Variants in RASEF observed in about 807,000 individuals in gnomAD.
RASEF encodes the protein ras and EF-hand domain-containing protein.
Under a neutral mutation model 90.1 loss-of-function variants are expected in RASEF, and 68 were observed. The observed-to-expected ratio is 0.75, with a 90% CI of 0.62 to 0.92. The LOEUF is 0.92. Among genes scored for constraint, RASEF ranks in the 40% least tolerant of loss-of-function variants. RASEF has a pLI of 0.00. For synonymous variants in RASEF, 331 were observed against 345.2 expected, an observed-to-expected ratio of 0.96 and a Z score of 0.46; for missense variants, 949 against 937.2, an observed-to-expected ratio of 1.01 and a Z score of -0.16.
intron 1 of RASEF, among the ~76,000 whole-genome samples, chr9:83,035,698 G>C (rs1829728887): frequency 6.6e-6 from 1 of 151,882 alleles, no homozygotes; most frequent in Non-Finnish European, 1.5e-5. Flanking sequence ...AGCGCAAGTA[G>C]GTATATTATA....
chr9:83,025,585 T>C (rs1829528948), intron 2 of RASEF, among the ~76,000 whole-genome samples, 190 bp downstream of exon 2: 1 of 152,216 alleles, frequency 6.6e-6, no homozygotes, highest in African/African-American at 2.4e-5. Context: ...AGGATCATGA[T>C]GATCTACTGA....
At chr9:83,043,983 C>T (rs1829885634) in intron 1 of RASEF, among the ~76,000 whole-genome samples, 1 of 152,140 alleles carries the variant, frequency 6.6e-6, no homozygotes, top group Admixed American at 6.5e-5. Flanking sequence ...AATCTAGCAG[C>T]TCTCTTGTGG....
At chr9:83,188,925 G>A in the RASEF span, among the ~76,000 whole-genome samples, 14,125 of 152,172 alleles carry the variant, frequency 0.093, 1,161 homozygotes, top group African/African-American at 0.21. Context: ...GGCAAGGAGA[G>A]ACCCCAGCCA....
chr9:83,178,264 C>G, the RASEF span, among the ~76,000 whole-genome samples: 3 of 152,104 alleles, frequency 2.0e-5, no homozygotes, highest in Admixed American at 1.3e-4. Context: ...ATATCTTACC[C>G]CAAGGTACTA....
chr9:83,095,882 A>G, the RASEF span, among the ~76,000 whole-genome samples: 191 of 152,204 alleles, frequency 1.3e-3, no homozygotes, highest in Admixed American at 3.3e-3. Context: ...AAAATATATA[A>G]TCTGTAAGTT....
chr9:83,205,088 A>G, the RASEF span, among the ~76,000 whole-genome samples: 1 of 152,238 alleles, frequency 6.6e-6, no homozygotes, highest in Admixed American at 6.5e-5. Context: ...GTATGCCAAC[A>G]CTGGTTAAAA....
At chr9:83,187,863 C>G in the RASEF span, among the ~76,000 whole-genome samples, 20 of 152,302 alleles carry the variant, frequency 1.3e-4, no homozygotes, top group African/African-American at 4.8e-4. Flanking sequence ...TTGCTTTTCC[C>G]CTGTGTAACA....
the RASEF span, among the ~76,000 whole-genome samples, chr9:83,105,252 C>T: frequency 6.6e-6 from 1 of 152,084 alleles, no homozygotes; most frequent in Non-Finnish European, 1.5e-5. Flanking sequence ...CCTCTTCCTA[C>T]CTCAAAGAGT....
chr9:83,080,500 C>A, the RASEF span, among the ~76,000 whole-genome samples: 2 of 152,270 alleles, frequency 1.3e-5, no homozygotes, highest in African/African-American at 4.8e-5. Context: ...TTGAACATTT[C>A]ACATAACATA....
chr9:83,006,156 TA>T (rs1247362953), intron 7 of RASEF, among the ~76,000 whole-genome samples: 1 of 152,244 alleles, frequency 6.6e-6, no homozygotes, highest in Non-Finnish European at 1.5e-5. Flanking sequence ...CTTCGCATCT[TA>T]GCTCAATCCT....
the RASEF span, among the ~76,000 whole-genome samples, chr9:83,205,298 T>C: frequency 1.3e-5 from 2 of 152,224 alleles, no homozygotes; most frequent in African/African-American, 4.8e-5. Flanking sequence ...AGTTGCTAGA[T>C]GAAGCACAAA....
chr9:82,980,077 A>G lies in RASEF; in HGVS notation c.*2600T>C, dbSNP rs1386391626. On this transcript the variant is annotated 3_prime_UTR_variant, in exon 17 of 17. Transcript: ENST00000376447. ...AGTGAAAAATATCTCCTTATCCAAC[A>G]TTATTTTCCACAATGAAATTAAAAT... is the stretch of plus-strand genomic sequence containing the variant. The G allele has an allele frequency of 6.6e-6, 1 of 152,186 alleles. No individual in the cohort carries two copies. Among genetic ancestry groups the G allele is most frequent in the Non-Finnish European group, 1.5e-5 (1 of 68,034 alleles). 9.4% of individuals were successfully genotyped at this position (152,186 alleles called of 1,614,324 possible).
At chr9:83,078,567 G>A in the RASEF span, among the ~76,000 whole-genome samples, 1 of 152,040 alleles carries the variant, frequency 6.6e-6, no homozygotes. Flanking sequence ...GGGAAGCTGA[G>A]GTGGGAGAAT....
chr9:83,062,413 C>G (rs768866001), intron 1 of RASEF, 24 bp downstream of exon 1: 3 of 1,610,010 alleles, frequency 1.9e-6, no homozygotes, highest in East Asian at 2.2e-5. Flanking sequence ...AGAATAACCT[C>G]CCGCCCCCAG....
the RASEF span, among the ~76,000 whole-genome samples, chr9:83,186,212 G>T: frequency 6.6e-6 from 1 of 152,142 alleles, no homozygotes; most frequent in Non-Finnish European, 1.5e-5. Flanking sequence ...GAGGAGTCCT[G>T]TAATTTTCCT....
chr9:83,194,231 T>C, the RASEF span, among the ~76,000 whole-genome samples: 6,786 of 152,312 alleles, frequency 0.045, 187 homozygotes, highest in Middle Eastern at 0.11. Context: ...ACATTACCTT[T>C]AGTCTTCATG....
chr9:83,182,084 G>T, the RASEF span, among the ~76,000 whole-genome samples: 1 of 152,160 alleles, frequency 6.6e-6, no homozygotes, highest in African/African-American at 2.4e-5. Context: ...GTGGTGCAAA[G>T]ATGACCACAC....
chr9:82,994,116 C>T (rs1828863518), intron 14 of RASEF, among the ~76,000 whole-genome samples: 1 of 151,892 alleles, frequency 6.6e-6, no homozygotes, highest in Admixed American at 6.6e-5. Context: ...AACATGAAAT[C>T]ATCATTGACT....
the RASEF span, among the ~76,000 whole-genome samples, chr9:83,206,323 G>A: frequency 6.6e-6 from 1 of 152,190 alleles, no homozygotes; most frequent in Non-Finnish European, 1.5e-5. Context: ...AATCTACACA[G>A]CATTCAAACT....
Sources: allele counts gnomAD v4.1 joint callset (sites outside exome capture counted in the v4.1 genomes callset), GRCh38; gene constraint gnomAD v4.1.1; transcripts MANE v1.5; gene names NCBI Gene and HGNC (gene_info 2026-07-23, HGNC 2026-07-21).